PRKG1: variants seen among roughly 807,000 people sequenced by gnomAD.
PRKG1 encodes the protein protein kinase cGMP-dependent 1, also known as cGMP-dependent protein kinase 1.
Under a neutral mutation model 88.1 loss-of-function variants are expected in PRKG1, and 35 were observed. The ratio of observed to expected loss-of-function variants is 0.40; its 90% CI spans 0.30 to 0.53. The LOEUF (loss-of-function observed/expected upper bound fraction) is 0.53. Ranked by LOEUF, PRKG1 falls within the 20% of genes least tolerant of loss-of-function variation. The pLI, the probability that PRKG1 is intolerant of heterozygous loss-of-function variation, is 0.59. For synonymous variants in PRKG1, 303 were observed against 292.5 expected (o/e 1.04, Z -0.37); for missense variants, 540 against 839.8 (o/e 0.64, Z 4.41).
At chr10:51,172,247 T>C in intron 2 of PRKG1, among the ~76,000 whole-genome samples, 1 of 152,082 alleles carries the variant, frequency 6.6e-6, no homozygotes, top group East Asian at 1.9e-4. Flanking sequence ...AGCTGAATGC[T>C]GCTGCTGTCT....
At chr10:51,825,687 A>G (rs541336752) in intron 4 of PRKG1, among the ~76,000 whole-genome samples, 30 of 152,264 alleles carry the variant, frequency 2.0e-4, no homozygotes, top group Non-Finnish European at 3.7e-4. Context: ...GAGTAATCTA[A>G]ACTTAATTTG....
intron 3 of PRKG1, among the ~76,000 whole-genome samples, chr10:51,624,348 A>C (rs374982787): frequency 6.6e-6 from 1 of 152,212 alleles, no homozygotes; most frequent in East Asian, 1.9e-4. Context: ...GAAGCTGCTC[A>C]ATTAAGCTTT....
At chr10:51,022,298 T>G (rs1412419624) in intron 1 of PRKG1, among the ~76,000 whole-genome samples, 1 of 152,166 alleles carries the variant, frequency 6.6e-6, no homozygotes, top group Non-Finnish European at 1.5e-5. Flanking sequence ...GCCACTCTTA[T>G]AGCATAGGAG....
intron 2 of PRKG1, among the ~76,000 whole-genome samples, chr10:51,246,405 C>G (rs908981477): frequency 6.6e-6 from 1 of 152,002 alleles, no homozygotes; most frequent in African/African-American, 2.4e-5. Flanking sequence ...CCAAATCCAG[C>G]CCACCTCCTG....
chr10:51,807,298 A>G (rs998602606), intron 4 of PRKG1, among the ~76,000 whole-genome samples: 1 of 152,168 alleles, frequency 6.6e-6, no homozygotes, highest in African/African-American at 2.4e-5. Context: ...CATTAAATCA[A>G]ATGTAGGAAC....
At chr10:51,163,974 G>A (rs1846449753) in intron 2 of PRKG1, among the ~76,000 whole-genome samples, 1 of 152,194 alleles carries the variant, frequency 6.6e-6, no homozygotes, top group African/African-American at 2.4e-5. Flanking sequence ...GCAGGGCACA[G>A]ACAAACAAAA....
At chr10:51,940,613 T>C (rs1226306270) in intron 5 of PRKG1, among the ~76,000 whole-genome samples, 1 of 151,826 alleles carries the variant, frequency 6.6e-6, no homozygotes, top group Non-Finnish European at 1.5e-5. Context: ...CTGAGTGGGA[T>C]CCCAGACATC....
At chr10:51,096,626 G>T (rs1256868613) in intron 1 of PRKG1, among the ~76,000 whole-genome samples, 1 of 152,116 alleles carries the variant, frequency 6.6e-6, no homozygotes, top group African/African-American at 2.4e-5. Flanking sequence ...CCAATTTAAT[G>T]CTGTGTTACT....
At chr10:51,977,340 C>T (rs1341569352) in intron 5 of PRKG1, among the ~76,000 whole-genome samples, 3 of 151,876 alleles carry the variant, frequency 2.0e-5, no homozygotes, top group African/African-American at 7.2e-5. Flanking sequence ...ATGGTGTATA[C>T]GTACCACCTT....
chr10:51,648,010 T>C lies in PRKG1; in HGVS notation c.593-156575T>C, dbSNP rs1053457805. Among the ~76,000 whole-genome samples the C allele has an allele frequency of 6.8e-5, 10 of 146,842 alleles. No homozygotes were observed. The East Asian group carries it at 2.0e-3, about 30-fold the overall frequency. On this transcript the variant is annotated intron_variant, in intron 3 of 17. Transcript: ENST00000373980. ...AATCATTTTTCCTTTTAGGTTATAA[T>C]TTAAGAAATTACATTTTCTGGTTAC... is the stretch of plus-strand genomic sequence containing the variant.
In PRKG1 at chr10:51,945,896, CTTCAT is replaced by C. The variant is rs575422194; in HGVS notation, c.762+38331_762+38335del. ...CTCTGGCTGCCCTTAACATTTTTTC[CTTCAT>C]TTCAACTTTGGTGAATCTGACAATT... is the stretch of plus-strand genomic sequence containing the variant. On this transcript the variant is annotated intron_variant, in intron 5 of 17. Coordinates refer to ENST00000373980, the MANE Select transcript of PRKG1 (RefSeq NM_006258.4). Among the ~76,000 whole-genome samples, 1,342 of 151,300 alleles carry C rather than the reference CTTCAT, an allele frequency of 8.9e-3. 26 individuals carry two copies. Among genetic ancestry groups the C allele is most frequent in the African/African-American group, 0.029 (1,207 of 40,944 alleles).
At chr10:51,797,144 T>C (rs1839033147) in intron 3 of PRKG1, among the ~76,000 whole-genome samples, 1 of 150,876 alleles carries the variant, frequency 6.6e-6, no homozygotes, top group African/African-American at 2.4e-5. Flanking sequence ...CTTATGGAAT[T>C]TGAATTGTGC....
chr10:51,074,398 C>A, upstream of PRKG1: 1 of 1,393,702 alleles, frequency 7.2e-7, no homozygotes, highest in Non-Finnish European at 9.5e-7. Context: ...GAAGTGGAAT[C>A]TGCACTGAAA....
chr10:51,299,715 A>G, intron 2 of PRKG1: 1 of 410,534 alleles, frequency 2.4e-6, no homozygotes. Flanking sequence ...TGCTCTCTGC[A>G]CATGTGTTTT....
At chr10:51,591,763 CA>C (rs776012020) in intron 3 of PRKG1, among the ~76,000 whole-genome samples, 10 of 151,268 alleles carry the variant, frequency 6.6e-5, no homozygotes, top group African/African-American at 1.9e-4. Context: ...TTCAATTAGA[CA>C]AAAAAAAGAG....
chr10:52,125,150 T>A (rs1413270268), intron 7 of PRKG1, among the ~76,000 whole-genome samples: 1 of 152,172 alleles, frequency 6.6e-6, no homozygotes. Context: ...GCAAGGTACA[T>A]AATCATATGT....
Position 51,551,463 on chromosome 10 carries a change from A to G in PRKG1, c.592+83627A>G, listed in dbSNP as rs76916443. On this transcript the variant is annotated intron_variant, in intron 3 of 17. Coordinates refer to ENST00000373980, the MANE Select transcript of PRKG1 (RefSeq NM_006258.4). Reference sequence around the variant, plus strand: ...TTATTAGTCAAGTTGTATAATTTTGAGAATTTGTTCATAAACAGATTTTAA... The same window carrying G: ...TTATTAGTCAAGTTGTATAATTTTGGGAATTTGTTCATAAACAGATTTTAA... Among the ~76,000 whole-genome samples, 81 of 152,026 alleles carry G rather than the reference A, an allele frequency of 5.3e-4. No individual in the cohort carries two copies. The East Asian group carries it at 0.011, about 21-fold the overall frequency.
chr10:52,275,534 G>T (rs1841851970), intron 12 of PRKG1, among the ~76,000 whole-genome samples: 1 of 151,984 alleles, frequency 6.6e-6, no homozygotes, highest in African/African-American at 2.4e-5. Context: ...TGTTCCATTG[G>T]TCTATGTTCC....
At chr10:51,415,910 AGTGTGTGTGTGT>A (rs71459419) in intron 2 of PRKG1, among the ~76,000 whole-genome samples, 18 of 147,128 alleles carry the variant, frequency 1.2e-4, no homozygotes, top group Non-Finnish European at 7.5e-5. Flanking sequence ...TAGAGCTTCC[AGTGTGTGTGTGT>A]GTGTGTGTGT....
Sources: allele counts gnomAD v4.1 joint callset (sites outside exome capture counted in the v4.1 genomes callset), GRCh38; gene constraint gnomAD v4.1.1; transcripts MANE v1.5; gene names NCBI Gene and HGNC (gene_info 2026-07-23, HGNC 2026-07-21).